The following GAS2 variants were observed in gnomAD, a reference collection of about 807,000 sequenced individuals.
GAS2 encodes growth arrest-specific protein 2.
A neutral mutation model predicts 37.5 loss-of-function variants in GAS2; 20 were observed. That is an observed-to-expected ratio of 0.53 (90% CI 0.37 to 0.77). The LOEUF is 0.77. GAS2 is among the 30% of genes least tolerant of loss of function. The pLI is 0.00. For missense variants in GAS2, 336 were observed against 373.4 expected (o/e 0.90, Z 0.82); for synonymous variants, 144 against 132.2 (o/e 1.09, Z -0.61).
intron 3 of GAS2, among the ~76,000 whole-genome samples, chr11:22,694,800 C>T (rs140831526): frequency 0.011 from 1,700 of 152,292 alleles, 37 homozygotes; most frequent in African/African-American, 0.039. Context: ...CTGCTCTCCT[C>T]AGACTAATAC....
chr11:22,751,198 C>A (rs1478363116), intron 6 of GAS2, among the ~76,000 whole-genome samples: 1 of 151,934 alleles, frequency 6.6e-6, no homozygotes, highest in South Asian at 2.1e-4. Context: ...GCTATTTTGT[C>A]TGCTGCATTA....
At chr11:22,654,668 T>C (rs576549799) in intron 1 of GAS2, among the ~76,000 whole-genome samples, 1 of 152,258 alleles carries the variant, frequency 6.6e-6, no homozygotes, top group South Asian at 2.1e-4. Flanking sequence ...AGTGATAGAA[T>C]TACAAATGTA....
At chr11:22,802,273 A>G (rs982585377) in intron 7 of GAS2, among the ~76,000 whole-genome samples, 5 of 151,928 alleles carry the variant, frequency 3.3e-5, no homozygotes, top group Admixed American at 1.3e-4. Context: ...ACGCTTGGAC[A>G]CAGGGTGGGG....
Position 22,755,662 on chromosome 11 carries a change from G to A in GAS2, c.616-184G>A, listed in dbSNP as rs1428733179. 5.4e-5 allele frequency: 27 copies of A among 496,116 alleles called. No individual in the cohort carries two copies. The East Asian group carries it at 8.6e-4, about 16-fold the overall frequency. The allele number at this position is 496,116 out of a possible 1,614,324, so 30.7% of individuals were successfully genotyped here. On this transcript the variant is annotated intron_variant, in intron 6 of 7. Transcript: ENST00000454584. ...TTAGTGCAGTCATTTGCCTTCAGAT[G>A]TCTTTGGGGCCTGAACTTTACATGG...
chr11:22,721,383 A>T (rs1419920481), intron 3 of GAS2, among the ~76,000 whole-genome samples: 1 of 152,040 alleles, frequency 6.6e-6, no homozygotes, highest in East Asian at 1.9e-4. Flanking sequence ...CATAACTAGG[A>T]CATACTGCAG....
intron 2 of GAS2, among the ~76,000 whole-genome samples, chr11:22,679,980 C>A (rs1483664852): frequency 6.6e-6 from 1 of 152,016 alleles, no homozygotes; most frequent in Non-Finnish European, 1.5e-5. Context: ...TTAATATGAG[C>A]AATATGTAAC....
chr11:22,803,156 CACAAAG>C (rs1856740838), intron 7 of GAS2, among the ~76,000 whole-genome samples: 1 of 152,092 alleles, frequency 6.6e-6, no homozygotes, highest in Non-Finnish European at 1.5e-5. Context: ...GAATGAAGAA[CACAAAG>C]TTCAACTCTG....
chr11:22,778,819 C>T (rs1461317678), intron 7 of GAS2, among the ~76,000 whole-genome samples: 1 of 152,106 alleles, frequency 6.6e-6, no homozygotes, highest in Non-Finnish European at 1.5e-5. Context: ...TGTATGTGTG[C>T]ATTTGTTCTG....
At chr11:22,785,327 C>G (rs1209478780) in intron 7 of GAS2, among the ~76,000 whole-genome samples, 2 of 152,062 alleles carry the variant, frequency 1.3e-5, no homozygotes, top group Non-Finnish European at 2.9e-5. Flanking sequence ...AAGAGTGTGT[C>G]TTTTCTCCCA....
chr11:22,743,831 C>G lies in GAS2; in HGVS notation c.474-5289C>G, dbSNP rs1312835523. On this transcript the variant is annotated intron_variant, in intron 5 of 7. Transcript: ENST00000454584. ...TGAAGAAAATTGAGACCCCAAAATC[C>G]ATACAAGGAATCAATGAAACCCAAA... Among the ~76,000 whole-genome samples, 4 of 152,114 alleles carry G rather than the reference C, an allele frequency of 2.6e-5. No homozygotes were observed. In the East Asian group the frequency reaches 7.7e-4, roughly 29 times the overall value.
intron 3 of GAS2, chr11:22,702,289 T>C (rs1188058024): frequency 6.6e-6 from 1 of 152,178 alleles, no homozygotes; most frequent in East Asian, 1.9e-4. Flanking sequence ...TATATAACTC[T>C]TGAGGTGGGT....
chr11:22,722,529 A>G lies in GAS2; in HGVS notation c.268-3763A>G, dbSNP rs555430969. On this transcript the variant is annotated intron_variant, in intron 3 of 7. Transcript: ENST00000454584. ...AGTGAGTGAGTGAGCCTAAATTTCTATCCAATTTAGGTTCAGCTTGACTGT... is the reference window on the plus strand; with the variant it reads ...AGTGAGTGAGTGAGCCTAAATTTCTGTCCAATTTAGGTTCAGCTTGACTGT... Among the ~76,000 whole-genome samples, 3 of 151,998 alleles carry G rather than the reference A, an allele frequency of 2.0e-5. No individual in the cohort carries two copies. In the South Asian group the frequency reaches 6.2e-4, roughly 32 times the overall value.
chr11:22,731,551 G>T (rs542039517), intron 4 of GAS2, among the ~76,000 whole-genome samples: 231 of 151,380 alleles, frequency 1.5e-3, no homozygotes, highest in Admixed American at 3.5e-3. Flanking sequence ...TTTTTGTTTT[G>T]TTGAACATTG....
chr11:22,768,073 T>C (rs1854784659), intron 7 of GAS2, among the ~76,000 whole-genome samples: 1 of 152,198 alleles, frequency 6.6e-6, no homozygotes, highest in African/African-American at 2.4e-5. Context: ...AAATGGTGTA[T>C]TAACATTTTC....
chr11:22,706,234 C>A (rs1490023784), intron 3 of GAS2, among the ~76,000 whole-genome samples: 1 of 152,028 alleles, frequency 6.6e-6, no homozygotes, highest in Non-Finnish European at 1.5e-5. Context: ...GTGGAAATAA[C>A]CACCCAAGTC....
intron 7 of GAS2, among the ~76,000 whole-genome samples, chr11:22,811,174 G>C (rs1016353442): frequency 4.6e-5 from 7 of 151,976 alleles, no homozygotes; most frequent in Admixed American, 1.3e-4. Flanking sequence ...CTGGGCCTAG[G>C]GGTAAGTTGT....
intron 3 of GAS2, among the ~76,000 whole-genome samples, chr11:22,704,843 A>T (rs1328980658): frequency 6.6e-6 from 1 of 151,708 alleles, no homozygotes. Context: ...GTAGAACTAA[A>T]CCATATGTTG....
At chr11:22,799,742 A>G (rs1856577699) in intron 7 of GAS2, among the ~76,000 whole-genome samples, 1 of 152,076 alleles carries the variant, frequency 6.6e-6, no homozygotes. Context: ...TTATAAAGGT[A>G]GTGTTGCTTG....
At chr11:22,722,055 C>A (rs2134142513) in intron 3 of GAS2, among the ~76,000 whole-genome samples, 1 of 152,026 alleles carries the variant, frequency 6.6e-6, no homozygotes, top group South Asian at 2.1e-4. Flanking sequence ...AAGTACATTT[C>A]CTAATCATAG....
Sources: gnomAD v4.1 joint callset for allele counts (sites outside exome capture counted in the v4.1 genomes callset) on GRCh38, gnomAD v4.1.1 for gene constraint, MANE v1.5 for transcripts, NCBI Gene and HGNC (gene_info 2026-07-23, HGNC 2026-07-21) for gene names.